RHBDD1: variants seen among roughly 807,000 people sequenced by gnomAD.
RHBDD1 encodes the protein rhomboid domain containing 1.
A neutral mutation model predicts 36.3 loss-of-function variants in RHBDD1; 38 were observed. The observed-to-expected ratio is 1.05, with a 90% CI of 0.81 to 1.37. The LOEUF is 1.37. Ranked by LOEUF, RHBDD1 falls within the 40% of genes most tolerant of loss-of-function variation. RHBDD1 has a pLI of 0.00. For synonymous variants in RHBDD1, 151 were observed against 136.5 expected (o/e 1.11, Z -0.74); for missense variants, 393 against 377.6 (o/e 1.04, Z -0.34).
chr2:226,933,939 C>T (rs1950185303), intron 8 of RHBDD1, among the ~76,000 whole-genome samples: 1 of 152,024 alleles, frequency 6.6e-6, no homozygotes, highest in African/African-American at 2.4e-5. Context: ...TTTTAAAAGT[C>T]TGGGTAAATC....
chr2:226,940,427 G>C (rs1165764777), intron 8 of RHBDD1, among the ~76,000 whole-genome samples: 1 of 151,990 alleles, frequency 6.6e-6, no homozygotes, highest in African/African-American at 2.4e-5. Flanking sequence ...TGTCTCTTTT[G>C]GTATTTATAA....
At chr2:226,825,288 A>C in the RHBDD1 span, among the ~76,000 whole-genome samples, 1 of 152,182 alleles carries the variant, frequency 6.6e-6, no homozygotes, top group Non-Finnish European at 1.5e-5. Context: ...AAAAAGCAGA[A>C]GTGGCGGTTG....
chr2:226,801,724 G>A, the RHBDD1 span, among the ~76,000 whole-genome samples: 4 of 152,202 alleles, frequency 2.6e-5, no homozygotes, highest in Non-Finnish European at 4.4e-5. Flanking sequence ...CCGAAATTCT[G>A]GGGGTATAGA....
At chr2:226,993,935 A>G (rs753030094) in intron 8 of RHBDD1, among the ~76,000 whole-genome samples, 5 of 152,208 alleles carry the variant, frequency 3.3e-5, no homozygotes, top group Non-Finnish European at 5.9e-5. Context: ...GCAATGAGCA[A>G]GAGGGATCCA....
At chr2:226,991,807 T>C (rs970531735) in intron 8 of RHBDD1, among the ~76,000 whole-genome samples, 6 of 152,168 alleles carry the variant, frequency 3.9e-5, no homozygotes, top group Non-Finnish European at 5.9e-5. Flanking sequence ...TTCAGAATCA[T>C]GGAAAGGACC....
chr2:226,925,471 A>C (rs4144328), intron 8 of RHBDD1, among the ~76,000 whole-genome samples: 67,040 of 151,924 alleles, frequency 0.44, 14,898 homozygotes, highest in South Asian at 0.52. Context: ...GAATGAAAAA[A>C]CGTAAGGCAC....
Position 226,886,075 on chromosome 2 carries a change from A to G in RHBDD1, c.566+18757A>G, listed in dbSNP as rs141665328. On this transcript the variant is annotated intron_variant, in intron 5 of 8. Transcript: ENST00000392062. Reference sequence around the variant, plus strand: ...TTTTCCATTTAATATTTTCAGACCAAGATTGATTGTGGGTAACTGAAACCG... The same window carrying G: ...TTTTCCATTTAATATTTTCAGACCAGGATTGATTGTGGGTAACTGAAACCG... 2.1e-3 allele frequency among the ~76,000 whole-genome samples: 315 copies of G among 152,336 alleles called. 4 individuals carry two copies. Among genetic ancestry groups the G allele is most frequent in the African/African-American group, 7.3e-3 (302 of 41,578 alleles).
intron 5 of RHBDD1, among the ~76,000 whole-genome samples, chr2:226,901,456 CTG>C (rs1947586851): frequency 6.6e-6 from 1 of 152,186 alleles, no homozygotes. Context: ...TAAGGAACCT[CTG>C]TATTGTTTTC....
chr2:226,846,071 A>G (rs981356711), intron 3 of RHBDD1, among the ~76,000 whole-genome samples: 1 of 152,120 alleles, frequency 6.6e-6, no homozygotes, highest in Non-Finnish European at 1.5e-5. Flanking sequence ...TTATTTTTCC[A>G]TTATTTCTTT....
At chr2:226,867,660 C>T (rs7601483) in intron 5 of RHBDD1, 129 of 983,530 alleles carry the variant, frequency 1.3e-4, no homozygotes, top group Non-Finnish European at 1.5e-4. Flanking sequence ...ATAGAAACCA[C>T]GTAACTATAA....
the RHBDD1 span, among the ~76,000 whole-genome samples, chr2:226,826,913 GATC>G: frequency 6.6e-6 from 1 of 152,098 alleles, no homozygotes; most frequent in Non-Finnish European, 1.5e-5. Flanking sequence ...TCAAAGAAAA[GATC>G]ATTATAAGAA....
At chr2:226,938,731 C>G (rs1241342839) in intron 8 of RHBDD1, among the ~76,000 whole-genome samples, 5 of 149,798 alleles carry the variant, frequency 3.3e-5, no homozygotes, top group African/African-American at 1.2e-4. Flanking sequence ...GAAACTATTA[C>G]AAAAAAATGA....
intron 5 of RHBDD1, among the ~76,000 whole-genome samples, chr2:226,883,705 TA>T (rs1336082891): frequency 6.6e-6 from 1 of 152,192 alleles, no homozygotes; most frequent in African/African-American, 2.4e-5. Context: ...ACTTGAGTAC[TA>T]TGTTGGATGT....
At chr2:226,984,987 G>T (rs748263059) in intron 8 of RHBDD1, among the ~76,000 whole-genome samples, 6 of 151,916 alleles carry the variant, frequency 3.9e-5, no homozygotes, top group Non-Finnish European at 8.8e-5. Context: ...AGTACAAGTG[G>T]GGGGTTTGAG....
intron 5 of RHBDD1, among the ~76,000 whole-genome samples, chr2:226,893,542 C>T (rs1946855524): frequency 6.6e-6 from 1 of 152,082 alleles, no homozygotes; most frequent in Admixed American, 6.5e-5. Context: ...GACTTGGAAT[C>T]CTTGGAATTT....
intron 8 of RHBDD1, among the ~76,000 whole-genome samples, chr2:226,991,544 A>C (rs923708947): frequency 2.6e-5 from 4 of 152,192 alleles, no homozygotes; most frequent in Non-Finnish European, 5.9e-5. Flanking sequence ...TTAGCACATG[A>C]TTCTTGATGA....
chr2:226,913,295 T>G (rs142057318), intron 7 of RHBDD1, among the ~76,000 whole-genome samples: 1 of 152,140 alleles, frequency 6.6e-6, no homozygotes, highest in Non-Finnish European at 1.5e-5. Context: ...ATTTAAATAT[T>G]TGAAACATCA....
intron 3 of RHBDD1, among the ~76,000 whole-genome samples, chr2:226,845,891 TTTG>T (rs1212672519): frequency 6.6e-6 from 1 of 152,226 alleles, no homozygotes; most frequent in Non-Finnish European, 1.5e-5. Flanking sequence ...AGCCTTGTCT[TTTG>T]TTATTAGCCA....
chr2:226,976,285 A>G lies in RHBDD1; in HGVS notation c.857-19146A>G, dbSNP rs567998924. ...CCTCTGGTCATACTAGATCTTGGAT[A>G]TGCCCACCCCCCTGGAGACACCACT... is the stretch of plus-strand genomic sequence containing the variant. On this transcript the variant is annotated intron_variant, in intron 8 of 8. Transcript: ENST00000392062. 3.4e-5 allele frequency among the ~76,000 whole-genome samples: 5 copies of G among 146,854 alleles called. No homozygotes were observed. The East Asian group carries it at 9.9e-4, about 29-fold the overall frequency.
Sources: gnomAD v4.1 joint callset for allele counts (sites outside exome capture counted in the v4.1 genomes callset) on GRCh38, gnomAD v4.1.1 for gene constraint, MANE v1.5 for transcripts, NCBI Gene and HGNC (gene_info 2026-07-23, HGNC 2026-07-21) for gene names.